HERPUD2: variants seen among roughly 807,000 people sequenced by gnomAD.
HERPUD2 encodes HERPUD family member 2.
In HERPUD2, 13 loss-of-function variants were observed where a neutral mutation model predicts 49.9. The observed-to-expected ratio is 0.26, with a 90% CI of 0.17 to 0.41. The LOEUF is 0.41. Ranked by LOEUF, HERPUD2 falls within the 10% of genes least tolerant of loss-of-function variation. The pLI, the probability that HERPUD2 is intolerant of heterozygous loss-of-function variation, is 1.00. For missense variants in HERPUD2, 449 were observed against 492.2 expected (o/e 0.91, Z 0.83); for synonymous variants, 172 against 171.4 (o/e 1.00, Z -0.03).
At chr7:35,667,138 G>A (rs1329260308) in intron 5 of HERPUD2, among the ~76,000 whole-genome samples, 2 of 152,114 alleles carry the variant, frequency 1.3e-5, no homozygotes, top group Non-Finnish European at 2.9e-5. Flanking sequence ...TGTCAGAAAT[G>A]CAGATTCTCA....
intron 3 of HERPUD2, among the ~76,000 whole-genome samples, chr7:35,670,653 T>C (rs1196822249): frequency 1.3e-5 from 2 of 152,114 alleles, no homozygotes; most frequent in Non-Finnish European, 2.9e-5. Context: ...TGAAAACATC[T>C]AGCACCTTAA....
At chr7:35,694,036 GAC>G in intron 2 of HERPUD2, 146 bp downstream of exon 2, 1 of 753,316 alleles carries the variant, frequency 1.3e-6, no homozygotes, top group Middle Eastern at 3.9e-4. Flanking sequence ...ACACTCAGGA[GAC>G]ACAACCTCAG....
chr7:35,642,386 T>G (rs1784980337), intron 5 of HERPUD2, among the ~76,000 whole-genome samples: 1 of 152,190 alleles, frequency 6.6e-6, no homozygotes, highest in Non-Finnish European at 1.5e-5. Flanking sequence ...TCAACCATTG[T>G]GGAAAGCAGA....
chr7:35,651,517 A>G (rs1562672756), intron 5 of HERPUD2, among the ~76,000 whole-genome samples: 1 of 152,226 alleles, frequency 6.6e-6, no homozygotes, highest in Non-Finnish European at 1.5e-5. Context: ...ACACTATGGT[A>G]TACATACAGA....
At chr7:35,692,642 GT>G (rs536454538) in intron 2 of HERPUD2, among the ~76,000 whole-genome samples, 4 of 151,870 alleles carry the variant, frequency 2.6e-5, no homozygotes, top group African/African-American at 9.7e-5. Flanking sequence ...ATTCCTCAGG[GT>G]TTTTTTTCCC....
chr7:35,637,865 T>A (rs1784896336), intron 6 of HERPUD2, among the ~76,000 whole-genome samples: 1 of 152,152 alleles, frequency 6.6e-6, no homozygotes, highest in African/African-American at 2.4e-5. Context: ...AGCTAATCCA[T>A]GTTAAATGAA....
intron 3 of HERPUD2, among the ~76,000 whole-genome samples, chr7:35,671,282 C>T (rs1192966829): frequency 6.6e-6 from 1 of 151,948 alleles, no homozygotes; most frequent in South Asian, 2.1e-4. Context: ...CACTACAGCA[C>T]AATTAGAGAA....
intron 2 of HERPUD2, among the ~76,000 whole-genome samples, chr7:35,682,129 CT>C (rs1318407490): frequency 1.1e-4 from 16 of 151,966 alleles, no homozygotes; most frequent in Middle Eastern, 6.8e-3. Context: ...CCTCTGCCTC[CT>C]GAGGCTCAAG....
intron 5 of HERPUD2, among the ~76,000 whole-genome samples, chr7:35,652,523 CA>C (rs1785188261): frequency 6.6e-6 from 1 of 151,660 alleles, no homozygotes; most frequent in Non-Finnish European, 1.5e-5. Flanking sequence ...GCAGATTTCT[CA>C]GCAGAAACCT....
intron 2 of HERPUD2, among the ~76,000 whole-genome samples, chr7:35,674,542 T>C (rs1434081019): frequency 2.0e-5 from 3 of 150,890 alleles, no homozygotes; most frequent in Non-Finnish European, 4.4e-5. Flanking sequence ...CCTAAAATCC[T>C]TGGAATCTTC....
chr7:35,687,392 G>T (rs981584125), intron 2 of HERPUD2, among the ~76,000 whole-genome samples: 1 of 152,094 alleles, frequency 6.6e-6, no homozygotes, highest in South Asian at 2.1e-4. Flanking sequence ...ATTCTATCAG[G>T]TTCACTACTT....
At chr7:35,688,831 G>T (rs1434109078) in intron 2 of HERPUD2, among the ~76,000 whole-genome samples, 1 of 151,728 alleles carries the variant, frequency 6.6e-6, no homozygotes, top group African/African-American at 2.4e-5. Flanking sequence ...GTCCAACCTG[G>T]GTTCAAATTC....
At chr7:35,656,923 CAG>C (rs1434824751) in intron 5 of HERPUD2, among the ~76,000 whole-genome samples, 2 of 150,986 alleles carry the variant, frequency 1.3e-5, no homozygotes, top group Non-Finnish European at 3.0e-5. Flanking sequence ...TAAAAGAAAA[CAG>C]GGGAAACACT....
intron 5 of HERPUD2, among the ~76,000 whole-genome samples, chr7:35,649,743 G>A (rs1482258145): frequency 6.6e-6 from 1 of 152,198 alleles, no homozygotes; most frequent in Non-Finnish European, 1.5e-5. Flanking sequence ...GGGTTGTAGA[G>A]ACCAAAGTTT....
Position 35,634,420 on chromosome 7 carries a change from A to G in HERPUD2, c.951T>C (p.Ala317=). The change falls in exon 8 of 9, where the codon GCT becomes GCC. Residue 317 remains alanine, a synonymous_variant. Coordinates refer to ENST00000311350, the MANE Select transcript of HERPUD2 (RefSeq NM_022373.5). The part of the protein sequence containing the change: ...GAMLLVYLHQ[A]GWFPFRQEGG... Reference sequence around the variant, plus strand: ...CTTCTTGCCTAAAAGGAAACCATCCAGCTTGGTGTCTGTTCAGTAAAATAA... The same window carrying G: ...CTTCTTGCCTAAAAGGAAACCATCCGGCTTGGTGTCTGTTCAGTAAAATAA... The G allele has an allele frequency of 1.2e-6, 2 of 1,605,458 alleles. No homozygotes were observed. Among genetic ancestry groups the G allele is most frequent in the Non-Finnish European group, 1.7e-6 (2 of 1,172,124 alleles).
At position 35,670,245 on chromosome 7, in the gene HERPUD2, A is replaced by G. The variant is rs1274640410; in HGVS notation, c.309T>C (p.Ser103=). The G allele has an allele frequency of 6.3e-7, 1 of 1,583,602 alleles. No individual in the cohort carries two copies. The highest frequency in any genetic ancestry group is 8.6e-7 in the Non-Finnish European group (1 of 1,160,956). The change falls in exon 4 of 9, where the codon AGT becomes AGC. Residue 103 remains serine, a synonymous_variant. Coordinates refer to ENST00000311350, the MANE Select transcript of HERPUD2 (RefSeq NM_022373.5). ...TGCTGCTGGATGCCAATGCTTCATG[A>G]CTTTCTCTATTGGTGCTGGATTTTG... ...SSPKSSTNRE[S]HEALASSSNS...
chr7:35,646,624 CTTCT>C (rs1325597892), intron 5 of HERPUD2, among the ~76,000 whole-genome samples: 5 of 152,112 alleles, frequency 3.3e-5, no homozygotes, highest in African/African-American at 1.2e-4. Flanking sequence ...AATTAATTGT[CTTCT>C]TTTTTTGGCA....
intron 5 of HERPUD2, among the ~76,000 whole-genome samples, chr7:35,658,583 G>A (rs371908379): frequency 6.6e-6 from 1 of 152,074 alleles, no homozygotes; most frequent in South Asian, 2.1e-4. Flanking sequence ...CCATAAATAT[G>A]TGCAAATAAC....
rs966806762 is a variant in HERPUD2 at position 35,647,361 on chromosome 7, G to A, written c.495-8889C>T. Among the ~76,000 whole-genome samples the A allele has an allele frequency of 8.5e-5, 13 of 152,056 alleles. No individual in the cohort carries two copies. The South Asian group carries it at 2.3e-3, about 27-fold the overall frequency. On this transcript the variant is annotated intron_variant, in intron 5 of 8. Transcript: ENST00000311350. ...TCCAGGCTCCCTCAGCATTTTTTTC[G>A]AGGCCATGACAGCCCATCAGCAGAT...
Sources: gnomAD v4.1 joint callset for allele counts (sites outside exome capture counted in the v4.1 genomes callset) on GRCh38, gnomAD v4.1.1 for gene constraint, MANE v1.5 for transcripts, NCBI Gene and HGNC (gene_info 2026-07-23, HGNC 2026-07-21) for gene names.